SSH3: variants seen among roughly 807,000 people sequenced by gnomAD.
SSH3 encodes slingshot protein phosphatase 3, also known as protein phosphatase Slingshot homolog 3.
In SSH3, 67 loss-of-function variants were observed where a neutral mutation model predicts 75.0. That is an observed-to-expected ratio of 0.89 (90% CI 0.73 to 1.10). SSH3 has a LOEUF of 1.10. Ranked by LOEUF, SSH3 falls within the 50% of genes least tolerant of loss-of-function variation. The pLI is 0.00. For missense variants in SSH3, 824 were observed against 872.7 expected, an observed-to-expected ratio of 0.94 and a Z score of 0.70; for synonymous variants, 318 against 349.2, an observed-to-expected ratio of 0.91 and a Z score of 1.00.
Position 67,307,661 on chromosome 11 carries a change from G to C in SSH3, c.715G>C (p.Glu239Gln), listed in dbSNP as rs752829057. ...CCACTACCAGGAGAGACTGAACTCC[G>C]AACAGAGCTGCCTCAATGAGTGGAC... ...ASHYQERLNSEQSCLNEWTAM... is the reference protein window; with the variant it reads ...ASHYQERLNSQQSCLNEWTAM... The change falls in exon 7 of 14, where the codon GAA becomes CAA. Residue 239 changes from glutamate to glutamine, a missense_variant. Glu to Gln is a conservative substitution (Grantham distance 29, BLOSUM62 2). Coordinates refer to ENST00000308127, the MANE Select transcript of SSH3 (RefSeq NM_017857.4). This position sits in a 1 kb window ranked among gnomAD's most constrained non-coding sequence, Gnocchi z 4.2. The C allele has an allele frequency of 1.7e-5, 27 of 1,613,908 alleles. No homozygotes were observed. The African/African-American group carries it at 2.4e-4, about 14-fold the overall frequency.
chr11:67,310,023 CT>C (rs1554972978), intron 12 of SSH3, 42 bp from the exon 13 acceptor site: 9 of 1,609,732 alleles, frequency 5.6e-6, no homozygotes, highest in Non-Finnish European at 7.6e-6. Flanking sequence ...CTGGGGGTGG[CT>C]GCTGGGTCAC....
In SSH3 at chr11:67,308,315, C is replaced by G; in HGVS notation, c.1014+13C>G. 6.2e-7 allele frequency: 1 copy of G among 1,613,884 alleles called. No individual in the cohort carries two copies. The highest frequency in any genetic ancestry group is 8.5e-7 in the Non-Finnish European group (1 of 1,179,830). Reference sequence around the variant, plus strand: ...CCACCTCTACCTGGTGAGCTTCAGCCAGGCCTGGGCCATGGGGACCGCTGG... The same window carrying G: ...CCACCTCTACCTGGTGAGCTTCAGCGAGGCCTGGGCCATGGGGACCGCTGG... On this transcript the variant is annotated intron_variant, in intron 9 of 13. Coordinates refer to ENST00000308127, the MANE Select transcript of SSH3 (RefSeq NM_017857.4). The surrounding 1 kb of genome is among the most constrained non-coding windows in gnomAD (Gnocchi z 4.9).
chr11:67,303,615 G>A lies in SSH3; in HGVS notation c.-11G>A. On this transcript the variant is annotated 5_prime_UTR_variant, in exon 1 of 14. Coordinates refer to ENST00000308127, the MANE Select transcript of SSH3 (RefSeq NM_017857.4). ...GCCCGGTGCCAGCCCAGGTGCTCGC[G>A]GCCTGGCTCCATGGCCCTGGTCACA... The A allele has an allele frequency of 6.6e-7, 1 of 1,518,248 alleles. No homozygotes were observed. Among genetic ancestry groups the A allele is most frequent in the East Asian group, 2.6e-5 (1 of 38,254 alleles). 94.0% of individuals were successfully genotyped at this position (1,518,248 alleles called of 1,614,324 possible). A position where few individuals can be genotyped will look rare whatever the true frequency, so the allele number is the denominator to read the frequency against.
chr11:67,308,258 G>T lies in SSH3; in HGVS notation c.970G>T (p.Ala324Ser). 2.5e-6 allele frequency: 4 copies of T among 1,614,150 alleles called. No homozygotes were observed. The highest frequency in any genetic ancestry group is 3.4e-6 in the Non-Finnish European group (4 of 1,180,038). The stretch of plus-strand genomic sequence containing the variant: ...CGACAACCAGATGCTGCTGCTGGTG[G>T]CACAGCGGGACCGAGCCTCCCGCAT... The part of the protein sequence containing the change: ...FIDNQMLLLV[A>S]QRDRASRIFP... The change falls in exon 9 of 14, where the codon GCA (alanine) becomes TCA (serine). Residue 324 changes from alanine to serine, a missense_variant. Ala to Ser is a moderately conservative substitution (Grantham distance 99). Coordinates refer to ENST00000308127, the MANE Select transcript of SSH3 (RefSeq NM_017857.4). This position sits in a 1 kb window ranked among gnomAD's most constrained non-coding sequence, Gnocchi z 4.9.
At position 67,309,526 on chromosome 11, in the gene SSH3, CTTCA is replaced by C. The variant is rs748746519; in HGVS notation, c.1194_1197del (p.Phe398LeufsTer31). 6.8e-6 allele frequency: 11 copies of C among 1,613,886 alleles called. No individual in the cohort carries two copies. The East Asian group carries it at 2.2e-4, about 33-fold the overall frequency. On this transcript the variant is annotated frameshift_variant, in exon 11 of 14. Coordinates refer to ENST00000308127, the MANE Select transcript of SSH3 (RefSeq NM_017857.4). ...TGCCGCACTGGAAGGAGACGCACCG[CTTCA>C]TTGAGGCTGCAAGGTCGGTCTCCTG...
At position 67,307,056 on chromosome 11, in the gene SSH3, C is replaced by G. The variant is rs1405135745; in HGVS notation, c.479C>G (p.Thr160Ser). Residue 160 changes from threonine (T) to serine (S), a missense_variant, in exon 5 of 14, where the codon ACC (threonine) becomes AGC (serine). By Grantham distance (58) the Thr-to-Ser change is moderately conservative. Coordinates refer to ENST00000308127, the MANE Select transcript of SSH3 (RefSeq NM_017857.4). The surrounding 1 kb of genome is among the most constrained non-coding windows in gnomAD (Gnocchi z 4.2). ...TCCCCTGCCAGCTCCCCCAGCTGCA[C>G]CCTGGGCCTGGTCTTGCCCCTCTGG... Reference protein sequence around the residue: ...DFPDSSSPSCTLGLVLPLWSD... With the variant: ...DFPDSSSPSCSLGLVLPLWSD... 6.2e-7 allele frequency: 1 copy of G among 1,614,088 alleles called. No homozygotes were observed. Among genetic ancestry groups the G allele is most frequent in the Non-Finnish European group, 8.5e-7 (1 of 1,179,980 alleles).
Position 67,304,945 on chromosome 11 carries a change from G to A in SSH3, c.277G>A (p.Glu93Lys), listed in dbSNP as rs1454129390. The change falls in exon 3 of 14, where the codon GAG becomes AAG. Residue 93 changes from glutamate to lysine, a missense_variant. Physicochemically the swap from Glu to Lys is moderately conservative, Grantham distance 56. Transcript: ENST00000308127. ...QGSQSPQKQE[E>K]QRQHLHLMVQ... ...ATCCCAGAGTCCCCAGAAGCAGGAG[G>A]AGCAGAGGCAGCACCTGCACCTCAT... 1.9e-6 allele frequency: 3 copies of A among 1,613,592 alleles called. No homozygotes were observed. Among genetic ancestry groups the A allele is most frequent in the South Asian group, 2.2e-5 (2 of 91,082 alleles).
rs1861436396 is a variant in SSH3, at chr11:67,312,565, G to A, written c.*678G>A. The A allele has an allele frequency of 6.6e-6, 1 of 152,300 alleles. No homozygotes were observed. Among genetic ancestry groups the A allele is most frequent in the African/African-American group, 2.4e-5 (1 of 41,444 alleles). The allele number at this position is 152,300 out of a possible 1,614,324, so 9.4% of individuals were successfully genotyped here. Reference sequence around the variant, plus strand: ...TCATAGCCTTACAGTATCTGGCTTTGTACTGAGAAATAAAACACATTTTCA... The same window carrying A: ...TCATAGCCTTACAGTATCTGGCTTTATACTGAGAAATAAAACACATTTTCA... On this transcript the variant is annotated 3_prime_UTR_variant, in exon 14 of 14. Transcript: ENST00000308127.
chr11:67,307,670 T>G lies in SSH3; in HGVS notation c.724T>G (p.Cys242Gly). The change falls in exon 7 of 14, where the codon TGC (cysteine) becomes GGC (glycine). Residue 242 changes from cysteine (C) to glycine (G), a missense_variant. Physicochemically the swap from Cys to Gly is radical, Grantham distance 159. Coordinates refer to ENST00000308127, the MANE Select transcript of SSH3 (RefSeq NM_017857.4). The surrounding 1 kb of genome is among the most constrained non-coding windows in gnomAD (Gnocchi z 4.2). The stretch of plus-strand genomic sequence containing the variant: ...GGAGAGACTGAACTCCGAACAGAGC[T>G]GCCTCAATGAGTGGACGGCTATGGC... ...YQERLNSEQS[C>G]LNEWTAMADL... is the part of the protein sequence containing the mutation. 1.9e-6 allele frequency: 3 copies of G among 1,614,058 alleles called. No individual in the cohort carries two copies. The highest frequency in any genetic ancestry group is 2.5e-6 in the Non-Finnish European group (3 of 1,180,026).
chr11:67,305,071 C>T (rs2134767555), intron 3 of SSH3, 64 bp downstream of exon 3: 13 of 1,486,468 alleles, frequency 8.7e-6, no homozygotes, highest in Middle Eastern at 2.3e-4. Context: ...CAGAATGGAG[C>T]CCTGTGTATG....
Position 67,304,902 on chromosome 11 carries a change from G to A in SSH3, c.234G>A (p.Gln78=). 1.9e-6 allele frequency: 3 copies of A among 1,613,864 alleles called. No homozygotes were observed. The highest frequency in any genetic ancestry group is 2.5e-6 in the Non-Finnish European group (3 of 1,180,014). The change falls in exon 3 of 14, where the codon CAG becomes CAA. Residue 78 remains glutamine, a synonymous_variant. Coordinates refer to ENST00000308127, the MANE Select transcript of SSH3 (RefSeq NM_017857.4). The part of the protein sequence containing the change: ...APSEEELHGD[Q]TDFGQGSQSP... ...GTGAGGAGGAGCTCCACGGGGACCA[G>A]ACAGACTTCGGGCAAGGATCCCAGA...
rs756039476 is a variant in SSH3, at chr11:67,304,871, C to A, written c.203C>A (p.Ala68Asp). The A allele has an allele frequency of 6.2e-7, 1 of 1,613,824 alleles. No individual in the cohort carries two copies. Among genetic ancestry groups the A allele is most frequent in the African/African-American group, 1.3e-5 (1 of 75,032 alleles). Reference protein sequence around the residue: ...AEASSEPTEKAPSEEELHGDQ... With the variant: ...AEASSEPTEKDPSEEELHGDQ... ...GCCAGTTCTGAGCCAACAGAGAAGG[C>A]CCCGAGTGAGGAGGAGCTCCACGGG... Residue 68 changes from alanine (A) to aspartate (D), a missense_variant, in exon 3 of 14, where the codon GCC (alanine) becomes GAC (aspartate). Ala to Asp is a moderately radical substitution (Grantham distance 126). Coordinates refer to ENST00000308127, the MANE Select transcript of SSH3 (RefSeq NM_017857.4).
Position 67,311,918 on chromosome 11 carries a change from C to T in SSH3, c.*31C>T, listed in dbSNP as rs748590085. ...CACACATGCCCACGCTCCCCTGACA[C>T]TGAAGAGGATCCACAACTCCTTGGA... On this transcript the variant is annotated 3_prime_UTR_variant, in exon 14 of 14. Coordinates refer to ENST00000308127, the MANE Select transcript of SSH3 (RefSeq NM_017857.4). The T allele has an allele frequency of 1.2e-5, 19 of 1,599,832 alleles. No homozygotes were observed. The highest frequency in any genetic ancestry group is 1.4e-5 in the Non-Finnish European group (17 of 1,176,694).
chr11:67,306,704 C>T, intron 3 of SSH3, 134 bp from the exon 4 acceptor site: 1 of 1,110,808 alleles, frequency 9.0e-7, no homozygotes, highest in Non-Finnish European at 1.2e-6. Flanking sequence ...TCTTTACCCA[C>T]TGATTTTACA....
rs1391653387 is a variant in SSH3 at position 67,309,803 on chromosome 11, T to C, written c.1244T>C (p.Met415Thr). 4.3e-6 allele frequency: 7 copies of C among 1,613,326 alleles called. No homozygotes were observed. The highest frequency in any genetic ancestry group is 1.7e-4 in the Middle Eastern group (1 of 6,060). ...QGTHVLVHCK[M>T]GVSRSAATVL... ...ACCCACGTGCTGGTCCACTGCAAGA[T>C]GGGCGTCAGCCGCTCAGCGGCCACA... is the stretch of plus-strand genomic sequence containing the variant. Residue 415 changes from methionine to threonine, a missense_variant, in exon 12 of 14, where the codon ATG (methionine) becomes ACG (threonine). By Grantham distance (81) the Met-to-Thr change is moderately conservative. Transcript: ENST00000308127.
chr11:67,309,974 G>T lies in SSH3; in HGVS notation c.1409+6G>T, dbSNP rs1394253226. ...CAGGGCATCCTGACGGCCAGGTATG[G>T]GATGGGAGCGAGTGGCAGGGGGTGA... On this transcript the variant is annotated splice_donor_region_variant and intron_variant, in intron 12 of 13. Transcript: ENST00000308127. 2.5e-6 allele frequency: 4 copies of T among 1,610,250 alleles called. No individual in the cohort carries two copies. The South Asian group carries it at 4.4e-5, about 18-fold the overall frequency.
Position 67,304,911 on chromosome 11 carries a change from C to G in SSH3, c.243C>G (p.Phe81Leu), listed in dbSNP as rs61731786. 6.2e-7 allele frequency: 1 copy of G among 1,613,698 alleles called. No individual in the cohort carries two copies. Among genetic ancestry groups the G allele is most frequent in the Non-Finnish European group, 8.5e-7 (1 of 1,179,998 alleles). The change falls in exon 3 of 14, where the codon TTC (phenylalanine) becomes TTG (leucine). Residue 81 changes from phenylalanine to leucine, a missense_variant. Physicochemically the swap from Phe to Leu is conservative, Grantham distance 22 (BLOSUM62 0). Coordinates refer to ENST00000308127, the MANE Select transcript of SSH3 (RefSeq NM_017857.4). ...AGCTCCACGGGGACCAGACAGACTT[C>G]GGGCAAGGATCCCAGAGTCCCCAGA... ...EEELHGDQTD[F>L]GQGSQSPQKQ...
Position 67,307,791 on chromosome 11 carries a change from G to T in SSH3, c.791+54G>T. 3.7e-6 allele frequency: 6 copies of T among 1,613,892 alleles called. No homozygotes were observed. The Admixed American group carries it at 1.0e-4, about 27-fold the overall frequency. On this transcript the variant is annotated intron_variant, in intron 7 of 13. Transcript: ENST00000308127. The surrounding 1 kb of genome is among the most constrained non-coding windows in gnomAD (Gnocchi z 4.2). ...GGAGGGGAAGGCAGGATAATGCAGT[G>T]GGGGGCATGGTGGAGAGGGGAAAGG...
intron 1 of SSH3, 97 bp from the exon 2 acceptor site, chr11:67,304,021 C>A (rs1400784577): frequency 2.1e-6 from 3 of 1,429,938 alleles, no homozygotes; most frequent in Admixed American, 4.2e-5. Flanking sequence ...TGGCATCTGG[C>A]GCCTTTTCTG....
Sources: allele counts gnomAD v4.1 joint callset, GRCh38; gene constraint gnomAD v4.1.1; non-coding constraint Gnocchi (gnomAD v3.1); transcripts MANE v1.5; gene names NCBI Gene and HGNC (gene_info 2026-07-23, HGNC 2026-07-21).